WWC2: variants seen among roughly 807,000 people sequenced by gnomAD.
The protein encoded by WWC2 is protein WWC2.
Under a neutral mutation model 138.5 loss-of-function variants are expected in WWC2, and 101 were observed. That is an observed-to-expected ratio of 0.73 (90% CI 0.62 to 0.86). The LOEUF is 0.86. WWC2 is among the 40% of genes least tolerant of loss of function. The pLI is 0.00. For missense variants in WWC2, 1,420 were observed against 1,419.4 expected (o/e 1.00, Z -0.01); for synonymous variants, 558 against 538.4 (o/e 1.04, Z -0.50).
chr4:183,221,409 C>A (rs1354132741), intron 4 of WWC2, among the ~76,000 whole-genome samples: 8 of 152,172 alleles, frequency 5.3e-5, no homozygotes, highest in African/African-American at 1.9e-4. Context: ...CAATAACAGA[C>A]CAACTTGATC....
chr4:183,117,947 C>G (rs545545682), intron 1 of WWC2, among the ~76,000 whole-genome samples: 2 of 151,348 alleles, frequency 1.3e-5, no homozygotes, highest in African/African-American at 2.4e-5. Context: ...ACTATAGGCT[C>G]GTGCCACCAT....
intron 1 of WWC2, among the ~76,000 whole-genome samples, chr4:183,148,460 C>G (rs1733536860): frequency 6.6e-6 from 1 of 152,162 alleles, no homozygotes; most frequent in Non-Finnish European, 1.5e-5. Context: ...ATATCCATCT[C>G]TGATTTTCTT....
In WWC2 at chr4:183,316,797, A is replaced by G. The variant is rs1367927047; in HGVS notation, c.*1068A>G. The G allele has an allele frequency of 6.6e-6, 1 of 152,222 alleles. No homozygotes were observed. The highest frequency in any genetic ancestry group is 1.5e-5 in the Non-Finnish European group (1 of 68,040). The allele number at this position is 152,222 out of a possible 1,614,324, so 9.4% of individuals were successfully genotyped here. On this transcript the variant is annotated 3_prime_UTR_variant, in exon 23 of 23. Coordinates refer to ENST00000403733, the MANE Select transcript of WWC2 (RefSeq NM_024949.6). ...ATAGCTCTCATTTTTAGGGGGTTCTATCTATAATTTATGGTAAATAGTTGG... is the reference window on the plus strand; with the variant it reads ...ATAGCTCTCATTTTTAGGGGGTTCTGTCTATAATTTATGGTAAATAGTTGG...
chr4:183,311,416 C>T (rs1394378636), intron 21 of WWC2, among the ~76,000 whole-genome samples: 2 of 152,020 alleles, frequency 1.3e-5, no homozygotes, highest in Non-Finnish European at 2.9e-5. Context: ...GTTTACTGTT[C>T]CATCTATACC....
At chr4:183,309,286 G>C (rs571152154) in intron 21 of WWC2, among the ~76,000 whole-genome samples, 3 of 152,092 alleles carry the variant, frequency 2.0e-5, no homozygotes, top group Non-Finnish European at 4.4e-5. Flanking sequence ...ACACTGTCAA[G>C]AAAAAGAGGA....
intron 1 of WWC2, among the ~76,000 whole-genome samples, chr4:183,164,318 TACATATATATATATATATACATATA>T (rs1561443781): frequency 0.27 from 512 of 1,896 alleles, 54 homozygotes; most frequent in African/African-American, 0.35. Context: ...ATATTATATA[TACATATATATATATATATACATATA>T]TATATTATAT....
Position 183,208,037 on chromosome 4 carries a change from A to G in WWC2, c.326A>G (p.Asp109Gly), listed in dbSNP as rs781676565. The stretch of plus-strand genomic sequence containing the variant: ...AAGGACTACCTCTCTGTGGCACAGG[A>G]TGCCCTCCGGACACAGAAGGAACTG... ...MLKDYLSVAQ[D>G]ALRTQKELYH... Residue 109 changes from aspartate (D) to glycine (G), a missense_variant, in exon 3 of 23, where the codon GAT becomes GGT. Coordinates refer to ENST00000403733, the MANE Select transcript of WWC2 (RefSeq NM_024949.6). The G allele has an allele frequency of 1.6e-5, 26 of 1,613,778 alleles. No individual in the cohort carries two copies. Among genetic ancestry groups the G allele is most frequent in the Non-Finnish European group, 1.9e-5 (23 of 1,179,818 alleles).
intron 8 of WWC2, among the ~76,000 whole-genome samples, chr4:183,250,918 T>A (rs1454134070): frequency 6.6e-6 from 1 of 152,220 alleles, no homozygotes; most frequent in Non-Finnish European, 1.5e-5. Flanking sequence ...TTGGCCGTAG[T>A]CCTTAGAGGT....
intron 4 of WWC2, among the ~76,000 whole-genome samples, chr4:183,226,022 T>TAAGTTAG (rs1338511901): frequency 2.0e-5 from 3 of 151,982 alleles, no homozygotes; most frequent in Non-Finnish European, 4.4e-5. Flanking sequence ...GGATGCCAGC[T>TAAGTTAG]AAGTTAGAAG....
At chr4:183,112,348 C>T (rs150253907) in intron 1 of WWC2, among the ~76,000 whole-genome samples, 2 of 152,304 alleles carry the variant, frequency 1.3e-5, no homozygotes, top group East Asian at 1.9e-4. Flanking sequence ...GAATAGAGAC[C>T]TGCTTTGTGT....
chr4:183,242,624 C>T (rs550814773), intron 5 of WWC2, among the ~76,000 whole-genome samples: 3 of 152,192 alleles, frequency 2.0e-5, no homozygotes, highest in Non-Finnish European at 4.4e-5. Flanking sequence ...CAGCAAGTCA[C>T]AGGCATATAC....
chr4:183,176,891 G>T (rs1386701289), intron 1 of WWC2, among the ~76,000 whole-genome samples: 1 of 152,134 alleles, frequency 6.6e-6, no homozygotes. Flanking sequence ...CCTCATGGAG[G>T]AGTTTTTCAA....
intron 7 of WWC2, 33 bp downstream of exon 7, chr4:183,248,893 G>A (rs1357549685): frequency 6.6e-7 from 1 of 1,519,388 alleles, no homozygotes; most frequent in Non-Finnish European, 8.9e-7. Flanking sequence ...TTGGCCCAGT[G>A]TTGTCCTTGA....
chr4:183,296,865 C>T (rs1305610983), intron 21 of WWC2, among the ~76,000 whole-genome samples: 5 of 132,170 alleles, frequency 3.8e-5, no homozygotes, highest in East Asian at 2.5e-4. Context: ...ACCCCGGAGG[C>T]GGAGCTTGCA....
intron 16 of WWC2, among the ~76,000 whole-genome samples, chr4:183,278,010 T>G (rs1236524364): frequency 3.3e-5 from 5 of 152,106 alleles, no homozygotes; most frequent in South Asian, 4.2e-4. Context: ...TTTTGGCTTT[T>G]GTTGCCATTG....
rs990068635 is a variant in WWC2, at chr4:183,298,288, A to G, written c.3384+8653A>G. On this transcript the variant is annotated intron_variant, in intron 21 of 22. Transcript: ENST00000403733. ...TGTGAACATCTTGGGGATGCCGGTA[A>G]CAGTTCAGTATAAAACTCCTTTGTC... 2.0e-5 allele frequency among the ~76,000 whole-genome samples: 3 copies of G among 152,236 alleles called. No individual in the cohort carries two copies. The East Asian group carries it at 5.8e-4, about 29-fold the overall frequency.
At chr4:183,232,626 A>C (rs974602667) in intron 4 of WWC2, among the ~76,000 whole-genome samples, 2 of 152,026 alleles carry the variant, frequency 1.3e-5, no homozygotes, top group African/African-American at 4.8e-5. Context: ...ACTGCCAAAT[A>C]ATATTCCATT....
rs931641427 is a variant in WWC2 at position 183,320,474 on chromosome 4, C to T, written c.*4745C>T. The stretch of plus-strand genomic sequence containing the variant: ...TTTGTGTCCTGTGGGCTGGATTTGA[C>T]AGAAAGCAGTTTGTCACTGAAATAT... On this transcript the variant is annotated 3_prime_UTR_variant, in exon 23 of 23. Coordinates refer to ENST00000403733, the MANE Select transcript of WWC2 (RefSeq NM_024949.6). 2.0e-6 allele frequency: 1 copy of T among 495,458 alleles called. No homozygotes were observed. The highest frequency in any genetic ancestry group is 3.6e-6 in the Non-Finnish European group (1 of 275,652). 30.7% of individuals were successfully genotyped at this position (495,458 alleles called of 1,614,324 possible). A position where few individuals can be genotyped will look rare whatever the true frequency, so the allele number is the denominator to read the frequency against.
At chr4:183,125,590 A>G (rs1364208448) in intron 1 of WWC2, among the ~76,000 whole-genome samples, 1 of 152,192 alleles carries the variant, frequency 6.6e-6, no homozygotes, top group Admixed American at 6.5e-5. Context: ...AAGTTTTATA[A>G]TATTGTCTAG....
Sources: gnomAD v4.1 joint callset for allele counts (sites outside exome capture counted in the v4.1 genomes callset) on GRCh38, gnomAD v4.1.1 for gene constraint, MANE v1.5 for transcripts, NCBI Gene and HGNC (gene_info 2026-07-23, HGNC 2026-07-21) for gene names.